COL5A1: variants seen among roughly 807,000 people sequenced by gnomAD.
COL5A1 encodes collagen alpha-1(V) chain.
In COL5A1, 16 loss-of-function variants were observed where a neutral mutation model predicts 263.7. The ratio of observed to expected loss-of-function variants is 0.06; its 90% CI spans 0.04 to 0.09. The LOEUF (loss-of-function observed/expected upper bound fraction) is 0.09. Ranked by LOEUF, COL5A1 falls within the 10% of genes least tolerant of loss-of-function variation. The probability of loss-of-function intolerance (pLI) is 1.00; values close to 1 mark genes in which losing one functional copy is unlikely to be tolerated. For missense variants in COL5A1, 2,036 were observed against 2,540.5 expected, an observed-to-expected ratio of 0.80 and a Z score of 4.27; for synonymous variants, 1,012 against 1,004.5, an observed-to-expected ratio of 1.01 and a Z score of -0.14.
chr9:134,800,158 C>T (rs1037411223), intron 37 of COL5A1, among the ~76,000 whole-genome samples: 3 of 152,224 alleles, frequency 2.0e-5, no homozygotes, highest in Non-Finnish European at 2.9e-5. Flanking sequence ...ACTTATTTCT[C>T]AGCAAAGGGC....
At chr9:134,806,686 C>G (rs1033559071) in intron 42 of COL5A1, among the ~76,000 whole-genome samples, 3 of 152,202 alleles carry the variant, frequency 2.0e-5, no homozygotes, top group Admixed American at 2.0e-4. Context: ...CCTGTGTGGT[C>G]GGGCCACAGC....
rs1833087490 is a variant in COL5A1 at position 134,686,572 on chromosome 9, C to T, written c.110-4340C>T. On this transcript the variant is annotated intron_variant, in intron 1 of 65. Transcript: ENST00000371817. This position sits in a 1 kb window ranked among gnomAD's most constrained non-coding sequence, Gnocchi z 4.6. ...TGGCCATCAAATTCTTTTCAGTCACCTCCCTTCTTCCTTAAAACTGACCTT... is the reference window on the plus strand; with the variant it reads ...TGGCCATCAAATTCTTTTCAGTCACTTCCCTTCTTCCTTAAAACTGACCTT... Among the ~76,000 whole-genome samples, 1 of 152,132 alleles carries T rather than the reference C, an allele frequency of 6.6e-6. No individual in the cohort carries two copies. The highest frequency in any genetic ancestry group is 1.5e-5 in the Non-Finnish European group (1 of 68,028).
At chr9:134,667,015 T>A (rs1404371897) in intron 1 of COL5A1, among the ~76,000 whole-genome samples, 2 of 152,186 alleles carry the variant, frequency 1.3e-5, no homozygotes, top group South Asian at 4.1e-4. Context: ...TTCCTGTGGG[T>A]CTGGCATTGA....
At chr9:134,688,868 A>T (rs1833170314) in intron 1 of COL5A1, among the ~76,000 whole-genome samples, 1 of 152,082 alleles carries the variant, frequency 6.6e-6, no homozygotes, top group Admixed American at 6.5e-5. Flanking sequence ...AGAACTGTGG[A>T]TGGGGAGGGG....
chr9:134,725,863 AT>A (rs1834629692), intron 4 of COL5A1, among the ~76,000 whole-genome samples: 1 of 152,254 alleles, frequency 6.6e-6, no homozygotes, highest in Non-Finnish European at 1.5e-5. Context: ...GTCGGTAGAC[AT>A]GTGGGTTGCA....
intron 1 of COL5A1, among the ~76,000 whole-genome samples, chr9:134,676,050 ATT>A (rs377052563): frequency 1.3e-5 from 2 of 148,582 alleles, no homozygotes; most frequent in Non-Finnish European, 3.0e-5. Flanking sequence ...TTGTTTTGGC[ATT>A]TTTTTTTTGT....
Position 134,767,118 on chromosome 9 carries a change from G to T in COL5A1, c.2187+65G>T, listed in dbSNP as rs1225427652. On this transcript the variant is annotated intron_variant, in intron 23 of 65. Coordinates refer to ENST00000371817, the MANE Select transcript of COL5A1 (RefSeq NM_000093.5). ...CGTGGGAGGCACACGTCTCCAGTCC[G>T]GAGCCCTGGGAGGAAGCGGGGAGCT... 3 of 1,560,804 alleles carry T rather than the reference G, an allele frequency of 1.9e-6. No homozygotes were observed. The African/African-American group carries it at 4.1e-5, about 21-fold the overall frequency.
At chr9:134,802,718 C>T (rs184616156) in intron 38 of COL5A1, among the ~76,000 whole-genome samples, 170 bp from the exon 39 acceptor site, 152 of 152,358 alleles carry the variant, frequency 1.0e-3, no homozygotes, top group Non-Finnish European at 4.7e-4. Context: ...AACACCCACC[C>T]TCTAGATTTT....
chr9:134,815,192 CCCG>C (rs1043111319), intron 50 of COL5A1, among the ~76,000 whole-genome samples: 1 of 152,236 alleles, frequency 6.6e-6, no homozygotes, highest in African/African-American at 2.4e-5. Flanking sequence ...GGAAGTTGCC[CCCG>C]CCCTTGGCCG....
chr9:134,706,767 C>T (rs551582584), intron 4 of COL5A1, among the ~76,000 whole-genome samples: 3 of 152,370 alleles, frequency 2.0e-5, no homozygotes, highest in African/African-American at 4.8e-5. Flanking sequence ...TAGCCCTCCC[C>T]GCACAGGCCC....
At chr9:134,737,157 G>C (rs1456631459) in intron 9 of COL5A1, among the ~76,000 whole-genome samples, 1 of 152,220 alleles carries the variant, frequency 6.6e-6, no homozygotes, top group Non-Finnish European at 1.5e-5. Context: ...CCCTGTGGCT[G>C]GTTTCTGCAC....
intron 11 of COL5A1, among the ~76,000 whole-genome samples, chr9:134,747,742 AAC>A (rs370703661): frequency 7.1e-4 from 86 of 121,970 alleles, no homozygotes; most frequent in Middle Eastern, 5.7e-3. Context: ...CACACATGCA[AAC>A]ACATGCACAC....
intron 6 of COL5A1, 29 bp from the exon 7 acceptor site, chr9:134,730,207 C>G: frequency 6.2e-7 from 1 of 1,611,386 alleles, no homozygotes; most frequent in Admixed American, 1.7e-5. Context: ...TCCGCCCTGA[C>G]TCCAGCTGTC....
chr9:134,700,200 G>A lies in COL5A1; in HGVS notation c.491+78G>A. On this transcript the variant is annotated intron_variant, in intron 3 of 65. Transcript: ENST00000371817. This position sits in a 1 kb window ranked among gnomAD's most constrained non-coding sequence, Gnocchi z 4.0. ...AGCTCATACCACTGACCAGATGTGG[G>A]GCACAGTAGAGGACGTGCAGCAGCC... 1 of 1,389,742 alleles carries A rather than the reference G, an allele frequency of 7.2e-7. No individual in the cohort carries two copies. The highest frequency in any genetic ancestry group is 1.0e-6 in the Non-Finnish European group (1 of 1,002,236). The allele number at this position is 1,389,742 out of a possible 1,614,324, so 86.1% of individuals were successfully genotyped here. A position where few individuals can be genotyped will look rare whatever the true frequency, so the allele number is the denominator to read the frequency against.
chr9:134,649,817 A>T (rs565668589), intron 1 of COL5A1, among the ~76,000 whole-genome samples: 2 of 152,214 alleles, frequency 1.3e-5, no homozygotes, highest in Non-Finnish European at 2.9e-5. Context: ...GATAAAGAAA[A>T]TATGGCACAT....
chr9:134,685,941 C>CCATCCATCCATCCATCCACT (rs1470178166), intron 1 of COL5A1, among the ~76,000 whole-genome samples: 1 of 99,702 alleles, frequency 1.0e-5, no homozygotes. Context: ...CATCCATCCA[C>CCATCCATCCATCCATCCACT]CATCCATCCA....
intron 18 of COL5A1, among the ~76,000 whole-genome samples, chr9:134,760,279 ACACG>A (rs1290948457): frequency 5.3e-5 from 6 of 113,972 alleles, no homozygotes; most frequent in South Asian, 3.2e-4. Flanking sequence ...ACACATGCAC[ACACG>A]CACACACCCC....
intron 4 of COL5A1, among the ~76,000 whole-genome samples, chr9:134,719,938 C>T (rs572939591): frequency 1.4e-3 from 215 of 152,232 alleles, no homozygotes; most frequent in African/African-American, 4.7e-3. Context: ...TGGTTCCTTG[C>T]GCTTGTGTGC....
At chr9:134,738,615 C>T in intron 10 of COL5A1, 100 bp downstream of exon 10, 1 of 1,566,764 alleles carries the variant, frequency 6.4e-7, no homozygotes, top group South Asian at 1.1e-5. Context: ...GAGGGGGGCT[C>T]TCCGCTTTTG....
Sources: allele counts gnomAD v4.1 joint callset (sites outside exome capture counted in the v4.1 genomes callset), GRCh38; gene constraint gnomAD v4.1.1; non-coding constraint Gnocchi (gnomAD v3.1); transcripts MANE v1.5; gene names NCBI Gene and HGNC (gene_info 2026-07-23, HGNC 2026-07-21).